Variants in FREM1 observed in about 807,000 individuals in gnomAD.
FREM1 encodes FRAS1 related extracellular matrix 1.
Under a neutral mutation model 210.1 loss-of-function variants are expected in FREM1, and 220 were observed. The observed-to-expected ratio is 1.05, with a 90% CI of 0.94 to 1.17. FREM1 has a LOEUF of 1.17. Ranked by LOEUF, FREM1 falls within the 50% of genes most tolerant of loss-of-function variation. FREM1 has a pLI of 0.00. For missense variants in FREM1, 3,454 were observed against 2,675.5 expected, an observed-to-expected ratio of 1.29 and a Z score of -6.42; for synonymous variants, 1,189 against 980.2, an observed-to-expected ratio of 1.21 and a Z score of -3.98.
chr9:14,826,911 C>T (rs1006441007), intron 10 of FREM1, among the ~76,000 whole-genome samples: 5 of 152,186 alleles, frequency 3.3e-5, no homozygotes, highest in Non-Finnish European at 5.9e-5. Flanking sequence ...TGGTCTTGGA[C>T]TTCCCGGCTG....
chr9:14,767,042 A>G (rs986061323), intron 27 of FREM1, among the ~76,000 whole-genome samples: 2 of 152,152 alleles, frequency 1.3e-5, no homozygotes, highest in Non-Finnish European at 2.9e-5. Flanking sequence ...TACGTTACAC[A>G]TTTCTTTTGT....
chr9:14,910,671 C>CGTGG (rs1843466389), upstream of FREM1: 1 of 152,520 alleles, frequency 6.6e-6, no homozygotes, highest in South Asian at 2.1e-4. Context: ...ACCCACCCCA[C>CGTGG]ACATGTGCAT....
At position 14,859,272 on chromosome 9, in the gene FREM1, C is replaced by T. The variant is rs780511700; in HGVS notation, c.542G>A (p.Arg181Gln). The change falls in exon 4 of 37, where the codon CGG (arginine) becomes CAG (glutamine). Residue 181 changes from arginine to glutamine, a missense_variant. Arg to Gln is a conservative substitution (Grantham distance 43). Transcript: ENST00000380880. ...AACCATCTGGCCATGGGCTGGCAGC[C>T]GAGTTCTCGCAGTGTCCAGGCTGAC... ...CTVSLDTARTRLPAHGQMVLG... is the reference protein window; with the variant it reads ...CTVSLDTARTQLPAHGQMVLG... 2.5e-5 allele frequency: 41 copies of T among 1,613,616 alleles called. No homozygotes were observed. Among genetic ancestry groups the T allele is most frequent in the Non-Finnish European group, 3.2e-5 (38 of 1,179,766 alleles).
chr9:14,746,562 C>T (rs547841397), intron 34 of FREM1, 94 bp from the exon 35 acceptor site: 4 of 954,694 alleles, frequency 4.2e-6, no homozygotes, highest in Non-Finnish European at 6.7e-6. Flanking sequence ...TAACTTCAGT[C>T]AAGTAGTTTG....
In FREM1 at chr9:14,859,309, G is replaced by C; in HGVS notation, c.505C>G (p.Leu169Val). 1 of 1,613,912 alleles carries C rather than the reference G, an allele frequency of 6.2e-7. No homozygotes were observed. Reference sequence around the variant, plus strand: ...GTGTCCAGGCTGACGGTACATTCCAGGCTAGCCATCCTATCATAATCGAAT... The same window carrying C: ...GTGTCCAGGCTGACGGTACATTCCACGCTAGCCATCCTATCATAATCGAAT... ...LRFDYDRMAS[L>V]ECTVSLDTAR... The change falls in exon 4 of 37, where the codon CTG (leucine) becomes GTG (valine). Residue 169 changes from leucine (L) to valine (V), a missense_variant. Leu to Val is a conservative substitution (Grantham distance 32, BLOSUM62 1). Coordinates refer to ENST00000380880, the MANE Select transcript of FREM1 (RefSeq NM_001379081.2).
rs927619326 is a variant in FREM1, at chr9:14,825,254, G to A, written c.1882-262C>T. Among the ~76,000 whole-genome samples the A allele has an allele frequency of 9.9e-5, 15 of 151,838 alleles. 1 individual carries two copies. The South Asian group carries it at 2.5e-3, about 25-fold the overall frequency. On this transcript the variant is annotated intron_variant, in intron 10 of 36. Transcript: ENST00000380880. Reference sequence around the variant, plus strand: ...TGTAATCTCAGCACTTTGGAAGGCCGAGGTGGGCAGATCACCTGAAATCAG... The same window carrying A: ...TGTAATCTCAGCACTTTGGAAGGCCAAGGTGGGCAGATCACCTGAAATCAG...
chr9:14,897,553 A>G (rs1288837587), intron 1 of FREM1, among the ~76,000 whole-genome samples: 1 of 151,972 alleles, frequency 6.6e-6, no homozygotes, highest in African/African-American at 2.4e-5. Context: ...CGCAACACCT[A>G]AAACCAACAA....
rs1052465374 is a variant in FREM1 at position 14,776,390 on chromosome 9, G to C, written c.4443-187C>G. On this transcript the variant is annotated intron_variant, in intron 24 of 36. Coordinates refer to ENST00000380880, the MANE Select transcript of FREM1 (RefSeq NM_001379081.2). The stretch of plus-strand genomic sequence containing the variant: ...CAGTCACTAGAGTAATGCATAAATG[G>C]ACCATTCTACACCCAAGAATATTTT... 1.3e-5 allele frequency: 7 copies of C among 535,434 alleles called. No homozygotes were observed. In the African/African-American group the frequency reaches 1.3e-4, roughly 10 times the overall value. 33.2% of individuals were successfully genotyped at this position (535,434 alleles called of 1,614,324 possible). A position where few individuals can be genotyped will look rare whatever the true frequency, so the allele number is the denominator to read the frequency against.
At chr9:14,749,782 C>G (rs1158815452) in intron 30 of FREM1, among the ~76,000 whole-genome samples, 1 of 152,152 alleles carries the variant, frequency 6.6e-6, no homozygotes, top group African/African-American at 2.4e-5. Flanking sequence ...ATTAAGAGTG[C>G]TCTTTAACAG....
At chr9:14,764,763 T>G (rs1225265827) in intron 27 of FREM1, among the ~76,000 whole-genome samples, 1 of 152,138 alleles carries the variant, frequency 6.6e-6, no homozygotes, top group African/African-American at 2.4e-5. Context: ...GGTCCTGGAG[T>G]AATAAATATG....
intron 10 of FREM1, among the ~76,000 whole-genome samples, chr9:14,828,368 A>C (rs932078396): frequency 6.6e-6 from 1 of 152,136 alleles, no homozygotes; most frequent in African/African-American, 2.4e-5. Flanking sequence ...TCCCTCTTGG[A>C]AGAGGAATGT....
At chr9:14,786,561 G>C (rs1850454992) in intron 23 of FREM1, among the ~76,000 whole-genome samples, 1 of 152,164 alleles carries the variant, frequency 6.6e-6, no homozygotes, top group African/African-American at 2.4e-5. Flanking sequence ...GACATTTTTG[G>C]TTGTCATAAC....
At chr9:14,814,280 T>A (rs563177523) in intron 15 of FREM1, among the ~76,000 whole-genome samples, 1 of 152,330 alleles carries the variant, frequency 6.6e-6, no homozygotes, top group African/African-American at 2.4e-5. Flanking sequence ...GATAATCTGT[T>A]TAATGCCTGT....
intron 1 of FREM1, among the ~76,000 whole-genome samples, chr9:14,893,116 A>G (rs1837146858): frequency 6.6e-6 from 1 of 152,148 alleles, no homozygotes; most frequent in Non-Finnish European, 1.5e-5. Context: ...CAGAGAAAGG[A>G]AACCCTGAAG....
At position 14,780,052 on chromosome 9, in the gene FREM1, T is replaced by C. The variant is rs1254307546; in HGVS notation, c.4443-3849A>G. On this transcript the variant is annotated intron_variant, in intron 24 of 36. Coordinates refer to ENST00000380880, the MANE Select transcript of FREM1 (RefSeq NM_001379081.2). ...GTTCATGTCTGGAAAAGCTGATCAATCAGATGGTCTTCCAAATACCCCCTC... is the reference window on the plus strand; with the variant it reads ...GTTCATGTCTGGAAAAGCTGATCAACCAGATGGTCTTCCAAATACCCCCTC... Among the ~76,000 whole-genome samples, 3 of 152,130 alleles carry C rather than the reference T, an allele frequency of 2.0e-5. No individual in the cohort carries two copies. In the South Asian group the frequency reaches 6.2e-4, roughly 32 times the overall value.
chr9:14,831,292 C>A lies in FREM1; in HGVS notation c.1882-6300G>T, dbSNP rs967970363. On this transcript the variant is annotated intron_variant, in intron 10 of 36. Coordinates refer to ENST00000380880, the MANE Select transcript of FREM1 (RefSeq NM_001379081.2). ...TCCGCAGCCTCTTACTCTTTCTCTG[C>A]ATGAAATGTGCAAAGATTTTTACAG... 8.5e-5 allele frequency among the ~76,000 whole-genome samples: 13 copies of A among 152,324 alleles called. No individual in the cohort carries two copies. In the East Asian group the frequency reaches 2.5e-3, roughly 29 times the overall value.
chr9:14,856,777 G>A (rs1828826364), intron 5 of FREM1, among the ~76,000 whole-genome samples: 1 of 148,964 alleles, frequency 6.7e-6, no homozygotes, highest in African/African-American at 2.5e-5. Context: ...AGCTTGCAGT[G>A]AGCCGACATT....
chr9:14,863,014 C>G (rs114181105), intron 3 of FREM1, among the ~76,000 whole-genome samples: 1 of 152,118 alleles, frequency 6.6e-6, no homozygotes, highest in South Asian at 2.1e-4. Flanking sequence ...CTGTCTCCTA[C>G]GGTCATTCCA....
At chr9:14,881,063 G>C (rs1834705152) in intron 1 of FREM1, among the ~76,000 whole-genome samples, 1 of 152,194 alleles carries the variant, frequency 6.6e-6, no homozygotes, top group African/African-American at 2.4e-5. Flanking sequence ...CAAATGGTTG[G>C]TCAGCAGTGT....
Sources: allele counts gnomAD v4.1 joint callset (sites outside exome capture counted in the v4.1 genomes callset), GRCh38; gene constraint gnomAD v4.1.1; transcripts MANE v1.5; gene names NCBI Gene and HGNC (gene_info 2026-07-23, HGNC 2026-07-21).